The following LARP1B variants were observed in gnomAD, a reference collection of about 807,000 sequenced individuals.
The protein encoded by LARP1B is la-related protein 1B.
In LARP1B, 76 loss-of-function variants were observed where a neutral mutation model predicts 114.2. That is an observed-to-expected ratio of 0.67 (90% CI 0.55 to 0.81). LARP1B has a LOEUF of 0.81. Among genes scored for constraint, LARP1B ranks in the 30% least tolerant of loss-of-function variants. The pLI is 0.00. For synonymous variants in LARP1B, 345 were observed against 348.0 expected (o/e 0.99, Z 0.10); for missense variants, 1,014 against 1,075.8 (o/e 0.94, Z 0.80).
At chr4:128,065,258 T>TTTCC (rs1762025671) in intron 1 of LARP1B, among the ~76,000 whole-genome samples, 1 of 46,422 alleles carries the variant, frequency 2.2e-5, no homozygotes, top group African/African-American at 6.6e-5. Flanking sequence ...AATTAATTTC[T>TTTCC]TTCTTTCTTT....
chr4:128,174,229 G>T (rs1449024875), intron 12 of LARP1B, among the ~76,000 whole-genome samples: 8 of 152,024 alleles, frequency 5.3e-5, no homozygotes, highest in Non-Finnish European at 7.4e-5. Context: ...TCATGTTCAA[G>T]AGATGGCATA....
At chr4:128,072,151 T>C (rs1294431510) in intron 1 of LARP1B, among the ~76,000 whole-genome samples, 2 of 151,756 alleles carry the variant, frequency 1.3e-5, no homozygotes, top group Non-Finnish European at 2.9e-5. Flanking sequence ...AGGCACCCGC[T>C]GCTATGCCTG....
Position 128,107,203 on chromosome 4 carries a change from A to G in LARP1B, c.878A>G (p.Glu293Gly). Residue 293 changes from glutamate to glycine, a missense_variant, in exon 9 of 20, where the codon GAA (glutamate) becomes GGA (glycine). Physicochemically the swap from Glu to Gly is moderately conservative, Grantham distance 98. Transcript: ENST00000326639. ...DEKMRKKIEPEKWPIPGPPPR... is the reference protein window; with the variant it reads ...DEKMRKKIEPGKWPIPGPPPR... The stretch of plus-strand genomic sequence containing the variant: ...AAAATGAGAAAAAAGATAGAACCAG[A>G]AAAATGGCCAATTCCAGGCCCTCCT... The G allele has an allele frequency of 6.2e-7, 1 of 1,614,152 alleles. No homozygotes were observed. Among genetic ancestry groups the G allele is most frequent in the Non-Finnish European group, 8.5e-7 (1 of 1,179,992 alleles).
chr4:128,106,870 C>G (rs928824489), intron 8 of LARP1B, among the ~76,000 whole-genome samples: 8 of 152,134 alleles, frequency 5.3e-5, no homozygotes, highest in African/African-American at 1.9e-4. Flanking sequence ...CAATTTGCTT[C>G]TAGCTGATTC....
Position 128,122,060 on chromosome 4 carries a change from C to G in LARP1B, c.1396C>G (p.Arg466Gly). ...PYVKKHPGGD[R>G]TGTHMSRAKI... The stretch of plus-strand genomic sequence containing the variant: ...TGTGAAAAAACATCCTGGAGGAGAT[C>G]GAACAGGCACCCACATGTCTCGGGC... Residue 466 changes from arginine to glycine, a missense_variant, in exon 11 of 20, where the codon CGA (arginine) becomes GGA (glycine). By Grantham distance (125) the Arg-to-Gly change is moderately radical. Transcript: ENST00000326639. 6 of 1,613,960 alleles carry G rather than the reference C, an allele frequency of 3.7e-6. No individual in the cohort carries two copies. The highest frequency in any genetic ancestry group is 4.2e-6 in the Non-Finnish European group (5 of 1,179,988).
chr4:128,131,706 A>G (rs1791627120), intron 11 of LARP1B, among the ~76,000 whole-genome samples: 1 of 152,218 alleles, frequency 6.6e-6, no homozygotes, highest in African/African-American at 2.4e-5. Context: ...CAATCAAGCA[A>G]GTCCCTGTCT....
At position 128,206,501 on chromosome 4, in the gene LARP1B, G is replaced by C. The variant is rs1284423197; in HGVS notation, c.2383G>C (p.Asp795His). The change falls in exon 18 of 20, where the codon GAT becomes CAT. Residue 795 changes from aspartate (D) to histidine (H), a missense_variant. Physicochemically the swap from Asp to His is moderately conservative, Grantham distance 81. Transcript: ENST00000326639. Reference protein sequence around the residue: ...EKKFRREIFQDFQEETKKDYE... With the variant: ...EKKFRREIFQHFQEETKKDYE... ...AAAATTCAGGCGAGAAATTTTTCAG[G>C]ATTTCCAAGAAGAAACCAAAAAAGA... The C allele has an allele frequency of 6.2e-7, 1 of 1,613,092 alleles. No homozygotes were observed. The highest frequency in any genetic ancestry group is 1.1e-5 in the South Asian group (1 of 90,756).
chr4:128,210,581 T>C lies in LARP1B; in HGVS notation c.*528T>C. On this transcript the variant is annotated 3_prime_UTR_variant, in exon 20 of 20. Transcript: ENST00000326639. ...TTTAAATTCAAAAAAGAATATGAAA[T>C]TATACCTTTAGTATCCCTTTGAGAC... 1 of 935,286 alleles carries C rather than the reference T, an allele frequency of 1.1e-6. No homozygotes were observed. The highest frequency in any genetic ancestry group is 1.3e-6 in the Non-Finnish European group (1 of 783,928). The allele number at this position is 935,286 out of a possible 1,614,324, so 57.9% of individuals were successfully genotyped here.
downstream of LARP1B, among the ~76,000 whole-genome samples, chr4:128,214,578 G>A (rs1759395490): frequency 1.3e-5 from 2 of 150,334 alleles, no homozygotes; most frequent in Non-Finnish European, 3.0e-5. Context: ...CTGCAGCTGA[G>A]GGTCCTGTCT....
At chr4:128,065,269 C>CT (rs571931377) in intron 1 of LARP1B, among the ~76,000 whole-genome samples, 137 of 100,598 alleles carry the variant, frequency 1.4e-3, no homozygotes, top group Middle Eastern at 5.3e-3. Flanking sequence ...TTCTTTCTTT[C>CT]TTTCTTTCTT....
intron 11 of LARP1B, among the ~76,000 whole-genome samples, chr4:128,128,687 G>T (rs6815890): frequency 3.9e-5 from 6 of 152,052 alleles, no homozygotes; most frequent in Non-Finnish European, 8.8e-5. Flanking sequence ...GTTTCTTCTA[G>T]TAAGTGCCTC....
Position 128,077,971 on chromosome 4 carries a change from G to A in LARP1B, c.217+9G>A. On this transcript the variant is annotated intron_variant, in intron 4 of 19. Transcript: ENST00000326639. The stretch of plus-strand genomic sequence containing the variant: ...TAATCAACGTAAGAGAGGTCAGTTT[G>A]TCCATATCTTTATTTTGATTTTAGT... The A allele has an allele frequency of 6.7e-7, 1 of 1,501,858 alleles. No homozygotes were observed. Among genetic ancestry groups the A allele is most frequent in the South Asian group, 1.4e-5 (1 of 71,320 alleles). 93.0% of individuals were successfully genotyped at this position (1,501,858 alleles called of 1,614,324 possible). A position where few individuals can be genotyped will look rare whatever the true frequency, so the allele number is the denominator to read the frequency against.
Position 128,178,536 on chromosome 4 carries a change from A to T in LARP1B, c.1790A>T (p.His597Leu). 2.5e-6 allele frequency: 4 copies of T among 1,614,102 alleles called. No individual in the cohort carries two copies. Among genetic ancestry groups the T allele is most frequent in the Non-Finnish European group, 3.4e-6 (4 of 1,179,964 alleles). Residue 597 changes from histidine (H) to leucine (L), a missense_variant, in exon 14 of 20, where the codon CAT becomes CTT. By Grantham distance (99) the His-to-Leu change is moderately conservative. Coordinates refer to ENST00000326639, the MANE Select transcript of LARP1B (RefSeq NM_018078.4). Reference protein sequence around the residue: ...PTAVPESPRIHPTRTPKTPRT... With the variant: ...PTAVPESPRILPTRTPKTPRT... Reference sequence around the variant, plus strand: ...GCAGTTCCAGAATCTCCTAGAATTCATCCTACAAGAACACCCAAAACACCT... The same window carrying T: ...GCAGTTCCAGAATCTCCTAGAATTCTTCCTACAAGAACACCCAAAACACCT...
In LARP1B at chr4:128,117,362, A is replaced by G. The variant is rs555093865; in HGVS notation, c.1161+2620A>G. Among the ~76,000 whole-genome samples, 5 of 152,050 alleles carry G rather than the reference A, an allele frequency of 3.3e-5. No homozygotes were observed. In the South Asian group the frequency reaches 1.0e-3, roughly 32 times the overall value. ...GTAGCTGGGATTACAGGCACCTGCT[A>G]CTACACCCGGCTAATTTTTGCATTT... On this transcript the variant is annotated intron_variant, in intron 10 of 19. Coordinates refer to ENST00000326639, the MANE Select transcript of LARP1B (RefSeq NM_018078.4).
At chr4:128,069,343 G>T in intron 1 of LARP1B, 1 of 779,950 alleles carries the variant, frequency 1.3e-6, no homozygotes, top group South Asian at 1.3e-5. Context: ...TGAAGACTTT[G>T]AGCAAACTTT....
chr4:128,220,476 A>G, intron 7 of LARP1B: 1 of 261,080 alleles, frequency 3.8e-6, no homozygotes, highest in Non-Finnish European at 6.0e-6. Context: ...CTCTTACTCC[A>G]TCTTGTGGTG....
intron 2 of LARP1B, 101 bp from the exon 3 acceptor site, chr4:128,074,833 A>C: frequency 1.3e-6 from 1 of 774,232 alleles, no homozygotes; most frequent in Non-Finnish European, 2.1e-6. Context: ...ACTGAATATA[A>C]ATGATTATTT....
In LARP1B at chr4:128,211,029, CA is replaced by C; in HGVS notation, c.*978del. The C allele has an allele frequency of 1.1e-6, 1 of 903,900 alleles. No homozygotes were observed. The highest frequency in any genetic ancestry group is 1.3e-6 in the Non-Finnish European group (1 of 756,036). The allele number at this position is 903,900 out of a possible 1,614,324, so 56.0% of individuals were successfully genotyped here. On this transcript the variant is annotated 3_prime_UTR_variant, in exon 20 of 20. Transcript: ENST00000326639. ...TTAATTTTGTTTTTATAAATGTTTT[CA>C]AGAGTTATAGCAAATTGATTTCTAA...
intron 12 of LARP1B, among the ~76,000 whole-genome samples, chr4:128,166,950 C>G (rs1298799863): frequency 1.8e-5 from 2 of 110,752 alleles, no homozygotes; most frequent in African/African-American, 6.8e-5. Context: ...CTCTCTCTCT[C>G]TCTCTCTCTC....
Sources: gnomAD v4.1 joint callset for allele counts (sites outside exome capture counted in the v4.1 genomes callset) on GRCh38, gnomAD v4.1.1 for gene constraint, MANE v1.5 for transcripts, NCBI Gene and HGNC (gene_info 2026-07-23, HGNC 2026-07-21) for gene names.